ACVR1: variants seen among roughly 807,000 people sequenced by gnomAD.
The protein encoded by ACVR1 is activin receptor type-1.
ACVR1 carries 38 observed loss-of-function variants against 57.1 expected under a neutral mutation model. That is an observed-to-expected ratio of 0.67 (90% CI 0.51 to 0.87). The LOEUF (loss-of-function observed/expected upper bound fraction) is 0.87, where lower values mean the gene tolerates loss of function less well. Ranked by LOEUF, ACVR1 falls within the 40% of genes least tolerant of loss-of-function variation. The pLI is 0.00. For missense variants in ACVR1, 463 were observed against 638.2 expected, an observed-to-expected ratio of 0.73 and a Z score of 2.96; for synonymous variants, 212 against 228.1, an observed-to-expected ratio of 0.93 and a Z score of 0.63.
chr2:157,808,753 T>C (rs1282472593), intron 2 of ACVR1, among the ~76,000 whole-genome samples: 2 of 152,098 alleles, frequency 1.3e-5, no homozygotes, highest in South Asian at 2.1e-4. Flanking sequence ...TGACGCTATT[T>C]GGAAAGCCAT....
Position 157,834,799 on chromosome 2 carries a change from G to T in ACVR1, c.-182-16240C>A, listed in dbSNP as rs1688170817. On this transcript the variant is annotated intron_variant, in intron 1 of 10. Coordinates refer to ENST00000434821, the MANE Select transcript of ACVR1 (RefSeq NM_001111067.4). Reference sequence around the variant, plus strand: ...GACATTAGGAAGTGAGGCTTTCGGAGGTGATTAAATCATGAAAGCAGGGCC... The same window carrying T: ...GACATTAGGAAGTGAGGCTTTCGGATGTGATTAAATCATGAAAGCAGGGCC... Among the ~76,000 whole-genome samples the T allele has an allele frequency of 2.0e-5, 3 of 152,140 alleles. No individual in the cohort carries two copies. The South Asian group carries it at 6.2e-4, about 31-fold the overall frequency.
chr2:157,805,467 A>C (rs1687485343), intron 2 of ACVR1, among the ~76,000 whole-genome samples: 1 of 152,224 alleles, frequency 6.6e-6, no homozygotes, highest in Non-Finnish European at 1.5e-5. Context: ...ACCATTGGTA[A>C]GGGCTCTCAC....
intron 3 of ACVR1, among the ~76,000 whole-genome samples, chr2:157,792,788 T>C (rs1686968201): frequency 6.6e-6 from 1 of 152,242 alleles, no homozygotes; most frequent in South Asian, 2.1e-4. Context: ...GAAATTTTCA[T>C]TTCAGATGTG....
intron 9 of ACVR1, among the ~76,000 whole-genome samples, chr2:157,752,956 A>C (rs949875300): frequency 2.0e-5 from 3 of 152,218 alleles, no homozygotes; most frequent in African/African-American, 7.2e-5. Context: ...ATAGCATCTC[A>C]TATCTCAATA....
At chr2:157,860,074 C>T (rs1689671257) in intron 1 of ACVR1, 1 of 152,152 alleles carries the variant, frequency 6.6e-6, no homozygotes, top group South Asian at 2.1e-4. Flanking sequence ...TGGGCACAGG[C>T]TCAGGTCTAG....
intron 2 of ACVR1, among the ~76,000 whole-genome samples, chr2:157,802,441 C>A (rs1035878890): frequency 2.0e-5 from 3 of 152,104 alleles, no homozygotes; most frequent in Non-Finnish European, 4.4e-5. Context: ...GGAGGTAAGG[C>A]ACTCTAGGCA....
intron 3 of ACVR1, among the ~76,000 whole-genome samples, chr2:157,781,447 C>T (rs1463013703): frequency 6.6e-6 from 1 of 152,218 alleles, no homozygotes. Flanking sequence ...CCTAGACTAA[C>T]TTTTTCACTA....
chr2:157,819,931 T>C (rs935848427), intron 1 of ACVR1, among the ~76,000 whole-genome samples: 6 of 152,184 alleles, frequency 3.9e-5, no homozygotes, highest in Non-Finnish European at 7.3e-5. Context: ...ACAGCGCCTT[T>C]TTTTTTAACC....
At chr2:157,769,256 T>C (rs1218990131) in intron 7 of ACVR1, among the ~76,000 whole-genome samples, 1 of 151,812 alleles carries the variant, frequency 6.6e-6, no homozygotes, top group African/African-American at 2.4e-5. Flanking sequence ...AACCAGGGAG[T>C]CTTGAATACC....
intron 3 of ACVR1, among the ~76,000 whole-genome samples, chr2:157,782,543 C>T (rs919412229): frequency 2.0e-5 from 3 of 152,198 alleles, no homozygotes; most frequent in Non-Finnish European, 4.4e-5. Context: ...TATCTGTTGA[C>T]ATAATCCAGC....
At chr2:157,811,805 AC>A (rs59390970) in intron 2 of ACVR1, among the ~76,000 whole-genome samples, 7,638 of 152,268 alleles carry the variant, frequency 0.05, 695 homozygotes, top group African/African-American at 0.17. Context: ...AACAACAACA[AC>A]AAAAAGAAGG....
intron 1 of ACVR1, among the ~76,000 whole-genome samples, chr2:157,865,452 TA>T (rs1223850447): frequency 3.9e-5 from 6 of 152,200 alleles, no homozygotes; most frequent in African/African-American, 1.4e-4. Flanking sequence ...CAATCCTTGG[TA>T]TTTATCTCCA....
chr2:157,790,353 CA>C (rs1365819802), intron 3 of ACVR1: 1 of 152,220 alleles, frequency 6.6e-6, no homozygotes, highest in African/African-American at 2.4e-5. Context: ...GTGCTCCTCC[CA>C]AGATGGGAGC....
chr2:157,743,968 T>C (rs779853098), intron 9 of ACVR1, among the ~76,000 whole-genome samples: 3 of 152,264 alleles, frequency 2.0e-5, no homozygotes, highest in Middle Eastern at 3.4e-3. Context: ...GAGGGTCACA[T>C]TGGAAAAAGT....
At position 157,818,011 on chromosome 2, in the gene ACVR1, A is replaced by C. The variant is rs547349111; in HGVS notation, c.-8+374T>G. ...AACGAGACTCCGTCTCAAAAAAAAA[A>C]AAAACAAAAGAAAAGAAAAACTTAA... On this transcript the variant is annotated intron_variant, in intron 2 of 10. Coordinates refer to ENST00000434821, the MANE Select transcript of ACVR1 (RefSeq NM_001111067.4). Among the ~76,000 whole-genome samples the C allele has an allele frequency of 5.1e-4, 77 of 151,936 alleles. 1 individual carries two copies. The highest frequency in any genetic ancestry group is 1.8e-3 in the African/African-American group (74 of 41,536).
In ACVR1 at chr2:157,778,539, A is replaced by G. The variant is rs1146038; in HGVS notation, c.332-197T>C. 0.81 allele frequency among the ~76,000 whole-genome samples: 123,387 copies of G among 152,142 alleles called. 51,792 individuals carry two copies. Among genetic ancestry groups the G allele is most frequent in the East Asian group, 0.93 (4,812 of 5,164 alleles). On this transcript the variant is annotated intron_variant, in intron 4 of 10. Coordinates refer to ENST00000434821, the MANE Select transcript of ACVR1 (RefSeq NM_001111067.4). ...AACCATCATTCAATTAGACACAACT[A>G]GAATTTGAAAAAATTCCACTGAGAA...
intron 8 of ACVR1, among the ~76,000 whole-genome samples, chr2:157,764,025 C>G (rs1685762448): frequency 6.6e-6 from 1 of 152,172 alleles, no homozygotes. Flanking sequence ...AACCAAGAGC[C>G]ACCTCAATTT....
intron 1 of ACVR1, among the ~76,000 whole-genome samples, chr2:157,854,224 T>C (rs977685508): frequency 1.3e-5 from 2 of 149,730 alleles, no homozygotes; most frequent in African/African-American, 5.0e-5. Context: ...AAAAGAAGCA[T>C]TTTTTTCTTC....
chr2:157,828,076 A>C (rs1688452160), intron 1 of ACVR1, among the ~76,000 whole-genome samples: 1 of 152,084 alleles, frequency 6.6e-6, no homozygotes, highest in South Asian at 2.1e-4. Context: ...TAATCCCAGC[A>C]CTTTGAGAAG....
Sources: allele counts gnomAD v4.1 joint callset (sites outside exome capture counted in the v4.1 genomes callset), GRCh38; gene constraint gnomAD v4.1.1; transcripts MANE v1.5; gene names NCBI Gene and HGNC (gene_info 2026-07-23, HGNC 2026-07-21).